GLG1: variants seen among roughly 807,000 people sequenced by gnomAD.
The protein encoded by GLG1 is Golgi apparatus protein 1.
Under a neutral mutation model 160.5 loss-of-function variants are expected in GLG1, and 38 were observed. The ratio of observed to expected loss-of-function variants is 0.24; its 90% CI spans 0.18 to 0.31. GLG1 has a LOEUF of 0.31. Among genes scored for constraint, GLG1 ranks in the 10% least tolerant of loss-of-function variants. The pLI is 1.00. For missense variants in GLG1, 1,373 were observed against 1,505.2 expected (o/e 0.91, Z 1.45); for synonymous variants, 644 against 543.4 (o/e 1.19, Z -2.57).
At chr16:74,573,813 A>C (rs1374095322) in intron 1 of GLG1, among the ~76,000 whole-genome samples, 1 of 144,362 alleles carries the variant, frequency 6.9e-6, no homozygotes, top group Non-Finnish European at 1.5e-5. Context: ...TTTTTTTTTT[A>C]AACGGGGTCT....
intron 1 of GLG1, chr16:74,563,450 T>G (rs1480435709): frequency 2.0e-5 from 3 of 152,256 alleles, no homozygotes; most frequent in Non-Finnish European, 4.4e-5. Flanking sequence ...CCTCATGGGC[T>G]GGACGCAGTG....
At chr16:74,554,321 G>T (rs2018292147) in intron 1 of GLG1, among the ~76,000 whole-genome samples, 1 of 152,222 alleles carries the variant, frequency 6.6e-6, no homozygotes, top group Admixed American at 6.5e-5. Flanking sequence ...ATCACTTGAA[G>T]TCAGGAGATC....
intron 1 of GLG1, among the ~76,000 whole-genome samples, chr16:74,578,216 G>A (rs1042648843): frequency 1.3e-5 from 2 of 152,100 alleles, no homozygotes; most frequent in Non-Finnish European, 2.9e-5. Flanking sequence ...GAATAAGACT[G>A]AAACAAGAAG....
chr16:74,452,674 T>G lies in GLG1; in HGVS notation c.*493A>C. 1 of 995,376 alleles carries G rather than the reference T, an allele frequency of 1.0e-6. No individual in the cohort carries two copies. Among genetic ancestry groups the G allele is most frequent in the Non-Finnish European group, 1.2e-6 (1 of 835,446 alleles). 61.7% of individuals were successfully genotyped at this position (995,376 alleles called of 1,614,324 possible). On this transcript the variant is annotated 3_prime_UTR_variant, in exon 26 of 26. Transcript: ENST00000422840. ...AGAGATGAACGAGACACCTCAGTCA[T>G]GGCACACTGGGTGGTGTGCTTCCCC...
chr16:74,520,522 G>C (rs930557686), intron 2 of GLG1, among the ~76,000 whole-genome samples: 11 of 152,170 alleles, frequency 7.2e-5, no homozygotes, highest in African/African-American at 2.7e-4. Flanking sequence ...TGTAATCCCA[G>C]CTACTTGGGA....
chr16:74,453,346 C>G lies in GLG1; in HGVS notation c.3373-12G>C, dbSNP rs769372296. On this transcript the variant is annotated splice_polypyrimidine_tract_variant and intron_variant, in intron 25 of 25. Coordinates refer to ENST00000422840, the MANE Select transcript of GLG1 (RefSeq NM_001145667.2). ...TCTGCTGGGGCCACCTAGAATGACA[C>G]AAGGCAATGTGATTCTCTGAGAGAG... 1.9e-6 allele frequency: 3 copies of G among 1,591,386 alleles called. No homozygotes were observed. The highest frequency in any genetic ancestry group is 2.6e-6 in the Non-Finnish European group (3 of 1,159,818).
intron 1 of GLG1, among the ~76,000 whole-genome samples, chr16:74,587,199 T>C (rs1423591068): frequency 3.3e-5 from 5 of 152,118 alleles, no homozygotes; most frequent in Non-Finnish European, 7.3e-5. Context: ...TTAACTATGA[T>C]CCCTGAGAGA....
chr16:74,457,933 G>T lies in GLG1; in HGVS notation c.3206C>A (p.Thr1069Asn), dbSNP rs1013545960. Residue 1069 changes from threonine to asparagine, a missense_variant, in exon 24 of 26, where the codon ACT (threonine) becomes AAT (asparagine). This residue lies in a region of GLG1 where 491 missense variants were observed against 632.1 expected (regional missense o/e 0.78). Coordinates refer to ENST00000422840, the MANE Select transcript of GLG1 (RefSeq NM_001145667.2). ...ADIFVDPVLH[T>N]ACALDIKHHC... ...GTGTTTAATGTCCAGGGCACAAGCA[G>T]TATGAAGTACCGGGTCAACAAAGAT... 6.2e-7 allele frequency: 1 copy of T among 1,613,838 alleles called. No individual in the cohort carries two copies. Among genetic ancestry groups the T allele is most frequent in the African/African-American group, 1.3e-5 (1 of 75,032 alleles).
intron 22 of GLG1, among the ~76,000 whole-genome samples, chr16:74,460,452 C>T (rs1051766398): frequency 2.6e-5 from 4 of 152,198 alleles, no homozygotes; most frequent in Admixed American, 2.0e-4. Context: ...CCACCACACC[C>T]GGCCTGAACT....
chr16:74,567,608 T>C (rs1056470576), intron 1 of GLG1, among the ~76,000 whole-genome samples: 1 of 132,586 alleles, frequency 7.5e-6, no homozygotes, highest in African/African-American at 2.8e-5. Context: ...GTCGCCCAGG[T>C]CGGACTGCGG....
chr16:74,498,468 T>TATATATATATATATATAAA lies in GLG1; in HGVS notation c.775-1825_775-1824insTTTATATATATATATATAT, dbSNP rs1491206560. Among the ~76,000 whole-genome samples, 6 of 29,688 alleles carry TATATATATATATATATAAA rather than the reference T, an allele frequency of 2.0e-4. No homozygotes were observed. The East Asian group carries it at 5.7e-3, about 28-fold the overall frequency. The allele number at this position is 29,688 out of a possible 152,430, so 19.5% of individuals were successfully genotyped here. A position where few individuals can be genotyped will look rare whatever the true frequency, so the allele number is the denominator to read the frequency against. Reference sequence around the variant, plus strand: ...AAAAAGTATATATATATATATATATTATATTTTATATATATATTTTATATA... The same window carrying TATATATATATATATATAAA: ...AAAAAGTATATATATATATATATATTATATATATATATATATAAAATATTTTATATATATATTTTATATA... On this transcript the variant is annotated intron_variant, in intron 4 of 25. Coordinates refer to ENST00000422840, the MANE Select transcript of GLG1 (RefSeq NM_001145667.2).
chr16:74,475,031 C>T (rs2015347420), intron 12 of GLG1, among the ~76,000 whole-genome samples: 1 of 151,936 alleles, frequency 6.6e-6, no homozygotes, highest in South Asian at 2.1e-4. Flanking sequence ...GTGGTGGGTG[C>T]CTGTAATCCC....
intron 11 of GLG1, among the ~76,000 whole-genome samples, chr16:74,478,323 A>G (rs370859836): frequency 6.6e-6 from 1 of 152,194 alleles, no homozygotes; most frequent in Admixed American, 6.5e-5. Context: ...TAGATATAAC[A>G]TTATGAGATA....
intron 1 of GLG1, among the ~76,000 whole-genome samples, chr16:74,589,505 C>T (rs1008644352): frequency 6.6e-5 from 10 of 152,108 alleles, no homozygotes; most frequent in African/African-American, 2.2e-4. Context: ...CCAAAAATAA[C>T]ACTTACATAT....
intron 2 of GLG1, among the ~76,000 whole-genome samples, chr16:74,526,298 T>A (rs891116274): frequency 3.4e-5 from 5 of 147,250 alleles, no homozygotes; most frequent in Admixed American, 2.1e-4. Context: ...TGACTGACTA[T>A]GAGGCAGGCA....
intron 4 of GLG1, among the ~76,000 whole-genome samples, chr16:74,500,385 T>A (rs1005858476): frequency 2.6e-5 from 4 of 152,146 alleles, no homozygotes; most frequent in Non-Finnish European, 5.9e-5. Flanking sequence ...TCTACTGCCA[T>A]TGCCTTGATC....
chr16:74,459,925 G>C (rs1048461122), intron 22 of GLG1, 136 bp from the exon 23 acceptor site: 3 of 508,596 alleles, frequency 5.9e-6, no homozygotes, highest in Non-Finnish European at 1.0e-5. Flanking sequence ...GTGCGATCTC[G>C]GCTCACTGCA....
intron 1 of GLG1, among the ~76,000 whole-genome samples, chr16:74,567,161 G>A (rs2018675566): frequency 6.6e-6 from 1 of 151,354 alleles, no homozygotes; most frequent in African/African-American, 2.4e-5. Flanking sequence ...ACATGTAATT[G>A]TGTGTGTGTG....
intron 25 of GLG1, among the ~76,000 whole-genome samples, chr16:74,456,169 T>TCAG (rs2014529923): frequency 1.3e-5 from 2 of 152,206 alleles, no homozygotes; most frequent in African/African-American, 4.8e-5. Context: ...GCCATGGGTG[T>TCAG]GACATCTCTT....
Sources: allele counts gnomAD v4.1 joint callset (sites outside exome capture counted in the v4.1 genomes callset), GRCh38; gene constraint gnomAD v4.1.1; regional missense constraint gnomAD v4.1.1; transcripts MANE v1.5; gene names NCBI Gene and HGNC (gene_info 2026-07-23, HGNC 2026-07-21).